The following KLHL5 variants were observed in gnomAD, a reference collection of about 807,000 sequenced individuals.
KLHL5 encodes kelch like family member 5, also known as kelch-like protein 5.
KLHL5 carries 48 observed loss-of-function variants against 77.7 expected under a neutral mutation model. That is an observed-to-expected ratio of 0.62 (90% CI 0.49 to 0.79). KLHL5 has a LOEUF of 0.79. Ranked by LOEUF, KLHL5 falls within the 30% of genes least tolerant of loss-of-function variation. The probability of loss-of-function intolerance (pLI) is 0.00; values close to 1 mark genes in which losing one functional copy is unlikely to be tolerated. For synonymous variants in KLHL5, 260 were observed against 297.0 expected, an observed-to-expected ratio of 0.88 and a Z score of 1.28; for missense variants, 723 against 859.7, an observed-to-expected ratio of 0.84 and a Z score of 1.99.
In KLHL5 at chr4:39,103,271, A is replaced by G. The variant is rs1192692683; in HGVS notation, c.1301-16A>G. On this transcript the variant is annotated splice_polypyrimidine_tract_variant and intron_variant, in intron 6 of 10. Transcript: ENST00000504108. Reference sequence around the variant, plus strand: ...TATAATTTCTATTTACATAACTTCTATATATTACTATGAAGGAGCAACAAG... The same window carrying G: ...TATAATTTCTATTTACATAACTTCTGTATATTACTATGAAGGAGCAACAAG... 6.4e-7 allele frequency: 1 copy of G among 1,567,528 alleles called. No homozygotes were observed. Among genetic ancestry groups the G allele is most frequent in the Admixed American group, 1.7e-5 (1 of 57,822 alleles).
At chr4:39,061,569 A>T (rs1342600533), upstream of KLHL5, among the ~76,000 whole-genome samples, 1 of 152,080 alleles carries the variant, frequency 6.6e-6, no homozygotes, top group African/African-American at 2.4e-5. Context: ...AGTATTTTTG[A>T]GTTTATTTGT....
chr4:39,098,465 C>T (rs1249154049), intron 6 of KLHL5, among the ~76,000 whole-genome samples: 1 of 151,254 alleles, frequency 6.6e-6, no homozygotes, highest in African/African-American at 2.4e-5. Flanking sequence ...TGGGGTTTCA[C>T]CATATTGGCC....
In KLHL5 at chr4:39,081,193, T is replaced by C; in HGVS notation, c.657T>C (p.Gly219=). Reference sequence around the variant, plus strand: ...GACAAGAAGAAATAAAAATGGAAGGTGTAGAACCAAATTCGTTGTGGTCCT... The same window carrying C: ...GACAAGAAGAAATAAAAATGGAAGGCGTAGAACCAAATTCGTTGTGGTCCT... ...EARQEEIKME[G]VEPNSLWSLI... Residue 219 remains glycine (G), a synonymous_variant, in exon 3 of 11, where the codon GGT becomes GGC. Coordinates refer to ENST00000504108, the MANE Select transcript of KLHL5 (RefSeq NM_015990.5). The surrounding 1 kb of genome is among the most constrained non-coding windows in gnomAD (Gnocchi z 4.3). 6.2e-7 allele frequency: 1 copy of C among 1,612,934 alleles called. No homozygotes were observed. Among genetic ancestry groups the C allele is most frequent in the Non-Finnish European group, 8.5e-7 (1 of 1,179,552 alleles).
chr4:39,106,801 C>T (rs750024282), intron 7 of KLHL5, among the ~76,000 whole-genome samples: 10 of 151,994 alleles, frequency 6.6e-5, no homozygotes, highest in African/African-American at 9.7e-5. Flanking sequence ...CTCTGTCATC[C>T]GGGCTGGAGG....
chr4:39,095,845 G>GA (rs1378698070), intron 5 of KLHL5, among the ~76,000 whole-genome samples: 11 of 151,128 alleles, frequency 7.3e-5, no homozygotes, highest in Non-Finnish European at 3.0e-5. Context: ...ATTAGTAAAA[G>GA]AAAAAACTGT....
chr4:39,105,429 G>A (rs1381915088), intron 7 of KLHL5, among the ~76,000 whole-genome samples: 5 of 151,868 alleles, frequency 3.3e-5, no homozygotes, highest in Admixed American at 6.6e-5. Context: ...TTATACTTGC[G>A]AGCCACTGCA....
upstream of KLHL5, among the ~76,000 whole-genome samples, chr4:39,061,194 T>C (rs928009589): frequency 6.6e-6 from 1 of 152,218 alleles, no homozygotes; most frequent in Non-Finnish European, 1.5e-5. Context: ...CATACTTGGC[T>C]TTTTATGCTT....
chr4:39,114,803 A>G (rs6812540), intron 9 of KLHL5, among the ~76,000 whole-genome samples: 80,209 of 151,988 alleles, frequency 0.53, 21,723 homozygotes, highest in Non-Finnish European at 0.59. Flanking sequence ...CCTCATGAAA[A>G]GAGCAAGACA....
In KLHL5 at chr4:39,076,206, A is replaced by G. The variant is rs371665622; in HGVS notation, c.566+59A>G. On this transcript the variant is annotated intron_variant, in intron 2 of 10. Transcript: ENST00000504108. ...TATTTCCTCGGTAATTTAGATATGTATATTGAGGTAACCTACTTCAATTGA... is the reference window on the plus strand; with the variant it reads ...TATTTCCTCGGTAATTTAGATATGTGTATTGAGGTAACCTACTTCAATTGA... 25 of 1,435,442 alleles carry G rather than the reference A, an allele frequency of 1.7e-5. No individual in the cohort carries two copies. In the East Asian group the frequency reaches 5.6e-4, roughly 32 times the overall value. 88.9% of individuals were successfully genotyped at this position (1,435,442 alleles called of 1,614,324 possible).
At chr4:39,117,810 C>A (rs994497581) in intron 10 of KLHL5, among the ~76,000 whole-genome samples, 3 of 152,168 alleles carry the variant, frequency 2.0e-5, no homozygotes, top group Admixed American at 1.3e-4. Flanking sequence ...TACGGTGGCT[C>A]ACACCTGTAA....
chr4:39,142,394 C>CAA, the KLHL5 span, among the ~76,000 whole-genome samples: 4 of 95,048 alleles, frequency 4.2e-5, no homozygotes, highest in African/African-American at 7.7e-5. Flanking sequence ...AACTCTGTCT[C>CAA]AAAAAAAAAA....
In KLHL5 at chr4:39,126,151, A is replaced by C. The variant is rs1177960428; in HGVS notation, c.*5085A>C. On this transcript the variant is annotated 3_prime_UTR_variant, in exon 11 of 11. Coordinates refer to ENST00000504108, the MANE Select transcript of KLHL5 (RefSeq NM_015990.5). The stretch of plus-strand genomic sequence containing the variant: ...TGAAAGTTGAAATAGACATCTTTTC[A>C]TGAACTCTGTAATATTTGAAATTAT... 6.6e-6 allele frequency among the ~76,000 whole-genome samples: 1 copy of C among 152,232 alleles called. No homozygotes were observed. Among genetic ancestry groups the C allele is most frequent in the Non-Finnish European group, 1.5e-5 (1 of 68,036 alleles).
At chr4:39,140,013 G>C in the KLHL5 span, among the ~76,000 whole-genome samples, 1 of 152,156 alleles carries the variant, frequency 6.6e-6, no homozygotes, top group Admixed American at 6.6e-5. Flanking sequence ...GATCACTTAA[G>C]CTCAGGAGTT....
intron 1 of KLHL5, among the ~76,000 whole-genome samples, chr4:39,068,700 A>G (rs895368249): frequency 1.1e-4 from 17 of 152,184 alleles, no homozygotes; most frequent in Non-Finnish European, 1.6e-4. Flanking sequence ...CAAATTGTTT[A>G]AGCAGAAAAC....
At chr4:39,049,659 A>G (rs115755424) in intron 1 of KLHL5, among the ~76,000 whole-genome samples, 3,706 of 152,098 alleles carry the variant, frequency 0.024, 149 homozygotes, top group African/African-American at 0.086. Context: ...TGATCAGGCC[A>G]CTGCCCTCCA....
intron 6 of KLHL5, among the ~76,000 whole-genome samples, chr4:39,102,184 T>TA (rs1251464886): frequency 6.6e-6 from 1 of 151,702 alleles, no homozygotes; most frequent in African/African-American, 2.4e-5. Flanking sequence ...GAATAAGTGT[T>TA]AGTCAAGATT....
In KLHL5 at chr4:39,121,184, G is replaced by A; in HGVS notation, c.*118G>A. 1 of 779,900 alleles carries A rather than the reference G, an allele frequency of 1.3e-6. No individual in the cohort carries two copies. Among genetic ancestry groups the A allele is most frequent in the South Asian group, 1.6e-5 (1 of 64,304 alleles). The allele number at this position is 779,900 out of a possible 1,614,324, so 48.3% of individuals were successfully genotyped here. A position where few individuals can be genotyped will look rare whatever the true frequency, so the allele number is the denominator to read the frequency against. On this transcript the variant is annotated 3_prime_UTR_variant, in exon 11 of 11. Coordinates refer to ENST00000504108, the MANE Select transcript of KLHL5 (RefSeq NM_015990.5). ...ATTGTCACAATCCTGGGCACAAAGT[G>A]CCTGATGTCAAAATGAAGATAGTAA...
At chr4:39,058,259 T>A (rs1314515022), upstream of KLHL5, among the ~76,000 whole-genome samples, 1 of 152,294 alleles carries the variant, frequency 6.6e-6, no homozygotes, top group East Asian at 1.9e-4. Flanking sequence ...AGTGATAGAA[T>A]TTTATGCCTT....
chr4:39,085,585 C>A (rs1719967315), intron 4 of KLHL5, among the ~76,000 whole-genome samples: 1 of 152,108 alleles, frequency 6.6e-6, no homozygotes, highest in Admixed American at 6.6e-5. Flanking sequence ...GACTTAAAAC[C>A]TTTCAAATCA....
Sources: gnomAD v4.1 joint callset for allele counts (sites outside exome capture counted in the v4.1 genomes callset) on GRCh38, gnomAD v4.1.1 for gene constraint, Gnocchi (gnomAD v3.1) non-coding constraint, MANE v1.5 for transcripts, NCBI Gene and HGNC (gene_info 2026-07-23, HGNC 2026-07-21) for gene names.